Variants in FGF14 observed in about 807,000 individuals in gnomAD.
FGF14 encodes the protein fibroblast growth factor 14, also known as fibroblast growth factor homologous factor 4.
A neutral mutation model predicts 25.5 loss-of-function variants in FGF14; 5 were observed. That is an observed-to-expected ratio of 0.20 (90% CI 0.10 to 0.41). FGF14 has a LOEUF of 0.41. FGF14 is among the 10% of genes least tolerant of loss of function. The pLI is 1.00. For missense variants in FGF14, 222 were observed against 320.1 expected, an observed-to-expected ratio of 0.69 and a Z score of 2.34; for synonymous variants, 138 against 118.3, an observed-to-expected ratio of 1.17 and a Z score of -1.08.
At chr13:101,754,456 C>G (rs1245089673) in intron 3 of FGF14, among the ~76,000 whole-genome samples, 1 of 152,166 alleles carries the variant, frequency 6.6e-6, no homozygotes, top group African/African-American at 2.4e-5. Flanking sequence ...TGGCCAGGTG[C>G]AGTGGCTCAC....
At chr13:102,117,146 C>T (rs571875153) in intron 1 of FGF14, among the ~76,000 whole-genome samples, 1 of 152,322 alleles carries the variant, frequency 6.6e-6, no homozygotes, top group South Asian at 2.1e-4. Context: ...CCTAGCTTGC[C>T]TTTTTGGTTT....
chr13:102,160,553 A>G (rs1281789840), intron 1 of FGF14, among the ~76,000 whole-genome samples: 2 of 151,984 alleles, frequency 1.3e-5, no homozygotes, highest in African/African-American at 4.8e-5. Flanking sequence ...CAACTAAAAA[A>G]CAAGATATAA....
intron 1 of FGF14, among the ~76,000 whole-genome samples, chr13:102,317,028 A>G (rs1012346048): frequency 2.0e-5 from 3 of 151,906 alleles, no homozygotes; most frequent in Admixed American, 6.6e-5. Flanking sequence ...GCCATTTTCC[A>G]TTCATTAATT....
intron 1 of FGF14, among the ~76,000 whole-genome samples, chr13:101,909,683 GCGA>G: frequency 6.6e-6 from 1 of 152,278 alleles, no homozygotes; most frequent in East Asian, 1.9e-4. Flanking sequence ...AGTCAGTGTG[GCGA>G]TTCCTCAGGG....
chr13:102,377,723 A>C (rs2058073868), intron 1 of FGF14, among the ~76,000 whole-genome samples: 2 of 152,138 alleles, frequency 1.3e-5, no homozygotes, highest in Non-Finnish European at 2.9e-5. Flanking sequence ...CAGGAGAATC[A>C]CTTGAACCCA....
At chr13:102,352,535 G>A (rs538900308) in intron 1 of FGF14, among the ~76,000 whole-genome samples, 2 of 152,230 alleles carry the variant, frequency 1.3e-5, no homozygotes, top group South Asian at 2.1e-4. Context: ...GATATTGGCC[G>A]GGCGCGGTGG....
At chr13:102,181,543 AC>A (rs1480541777) in intron 1 of FGF14, among the ~76,000 whole-genome samples, 1 of 152,198 alleles carries the variant, frequency 6.6e-6, no homozygotes, top group Non-Finnish European at 1.5e-5. Flanking sequence ...AGACAGAGGC[AC>A]AGGAGGAGAG....
At position 102,362,890 on chromosome 13, in the gene FGF14, T is replaced by C. The variant is rs115193910; in HGVS notation, c.208+38581A>G. ...TAAAATAATAACTATCTTTATCTAA[T>C]CATATCATGAAGGGAAAAACTTACA... is the stretch of plus-strand genomic sequence containing the variant. On this transcript the variant is annotated intron_variant, in intron 1 of 4. Coordinates refer to the FGF14 transcript ENST00000376131. 7.0e-3 allele frequency among the ~76,000 whole-genome samples: 1,068 copies of C among 152,264 alleles called. 10 individuals carry two copies. The highest frequency in any genetic ancestry group is 0.024 in the African/African-American group (1,007 of 41,558).
chr13:101,857,237 T>A (rs896320538), intron 3 of FGF14, among the ~76,000 whole-genome samples: 8 of 151,994 alleles, frequency 5.3e-5, no homozygotes, highest in Middle Eastern at 3.2e-3. Flanking sequence ...CCAGGATGAA[T>A]GCCCAAATAA....
At chr13:101,761,932 G>A (rs78598859) in intron 3 of FGF14, among the ~76,000 whole-genome samples, 3,473 of 152,218 alleles carry the variant, frequency 0.023, 90 homozygotes, top group East Asian at 0.06. Flanking sequence ...CTAAGAGAGA[G>A]GCCGCCAGGG....
At chr13:102,057,858 T>C (rs2042504461) in intron 1 of FGF14, among the ~76,000 whole-genome samples, 1 of 152,232 alleles carries the variant, frequency 6.6e-6, no homozygotes, top group African/African-American at 2.4e-5. Flanking sequence ...TTGGGTTAAT[T>C]CTTGAAGTGT....
chr13:101,728,570 C>T (rs2035597022), intron 3 of FGF14, among the ~76,000 whole-genome samples: 1 of 152,128 alleles, frequency 6.6e-6, no homozygotes, highest in Admixed American at 6.6e-5. Context: ...ATAAATCTGG[C>T]TTCTCCCCAA....
intron 3 of FGF14, among the ~76,000 whole-genome samples, chr13:101,812,772 T>A (rs1006357807): frequency 6.8e-6 from 1 of 146,498 alleles, no homozygotes; most frequent in Non-Finnish European, 1.5e-5. Context: ...GTTCAAGCAA[T>A]TCTCCTGCCT....
At chr13:101,866,569 A>G (rs2044717655) in intron 3 of FGF14, among the ~76,000 whole-genome samples, 1 of 149,688 alleles carries the variant, frequency 6.7e-6, no homozygotes, top group Non-Finnish European at 1.5e-5. Flanking sequence ...TACAAATATC[A>G]TCACTATTGT....
intron 1 of FGF14, among the ~76,000 whole-genome samples, chr13:102,258,678 G>C (rs1355512245): frequency 6.6e-6 from 1 of 152,184 alleles, no homozygotes; most frequent in South Asian, 2.1e-4. Flanking sequence ...CTGTCTCAAT[G>C]AATCACTGAT....
chr13:101,801,754 A>C (rs1354804535), intron 3 of FGF14: 1 of 156,998 alleles, frequency 6.4e-6, no homozygotes, highest in Non-Finnish European at 1.4e-5. Context: ...TATCTGATGG[A>C]CGTAAGAGCT....
At chr13:102,092,183 C>T (rs9518623) in intron 1 of FGF14, among the ~76,000 whole-genome samples, 58,766 of 152,034 alleles carry the variant, frequency 0.39, 13,472 homozygotes, top group Non-Finnish European at 0.51. Context: ...ATTTGTAGTG[C>T]AGTTCCATTC....
At chr13:101,980,019 T>A (rs554258832) in intron 1 of FGF14, among the ~76,000 whole-genome samples, 43 of 152,346 alleles carry the variant, frequency 2.8e-4, no homozygotes, top group South Asian at 1.2e-3. Flanking sequence ...ATACCATTTT[T>A]AAGCACTTTT....
intron 1 of FGF14, among the ~76,000 whole-genome samples, chr13:102,053,419 G>T (rs1476552179): frequency 6.6e-6 from 1 of 151,790 alleles, no homozygotes; most frequent in Non-Finnish European, 1.5e-5. Flanking sequence ...AATAACAAAA[G>T]AAAATTCAGA....
Sources: allele counts gnomAD v4.1 joint callset (sites outside exome capture counted in the v4.1 genomes callset), GRCh38; gene constraint gnomAD v4.1.1; transcripts MANE v1.5; gene names NCBI Gene and HGNC (gene_info 2026-07-23, HGNC 2026-07-21).